Variants in MTA1 observed in about 807,000 individuals in gnomAD.
MTA1 encodes the protein metastasis associated 1.
MTA1 carries 15 observed loss-of-function variants against 97.0 expected under a neutral mutation model. The ratio of observed to expected loss-of-function variants is 0.15; its 90% CI spans 0.10 to 0.24. The LOEUF (loss-of-function observed/expected upper bound fraction) is 0.24, where lower values mean the gene tolerates loss of function less well. Ranked by LOEUF, MTA1 falls within the 10% of genes least tolerant of loss-of-function variation. The pLI is 1.00. For missense variants in MTA1, 709 were observed against 1,015.1 expected, an observed-to-expected ratio of 0.70 and a Z score of 4.10; for synonymous variants, 435 against 417.5, an observed-to-expected ratio of 1.04 and a Z score of -0.51.
chr14:105,428,960 A>G (rs2082091685), intron 1 of MTA1, among the ~76,000 whole-genome samples: 2 of 152,174 alleles, frequency 1.3e-5, no homozygotes, highest in Non-Finnish European at 2.9e-5. Flanking sequence ...CCTGGCCTCA[A>G]GTGATCCTCC....
chr14:105,434,921 A>G (rs1158229825), intron 1 of MTA1, among the ~76,000 whole-genome samples: 1 of 152,242 alleles, frequency 6.6e-6, no homozygotes, highest in Non-Finnish European at 1.5e-5. Flanking sequence ...TCATCTGCGT[A>G]TAGAAAGTTT....
chr14:105,462,088 G>A (rs957792030), intron 10 of MTA1, among the ~76,000 whole-genome samples: 7 of 152,220 alleles, frequency 4.6e-5, no homozygotes, highest in Admixed American at 1.3e-4. Context: ...AGGGGACTGC[G>A]GCTGCGGGGC....
intron 3 of MTA1, chr14:105,445,982 G>A: frequency 3.4e-6 from 1 of 295,728 alleles, no homozygotes; most frequent in South Asian, 2.7e-5. Context: ...TCAAACCCAA[G>A]TTTAGTAACC....
chr14:105,464,713 A>C lies in MTA1; in HGVS notation c.1384A>C (p.Lys462Gln). The C allele has an allele frequency of 6.2e-7, 1 of 1,607,232 alleles. No homozygotes were observed. The highest frequency in any genetic ancestry group is 8.5e-7 in the Non-Finnish European group (1 of 1,175,788). ...GLPARSSGSP[K>Q]FAMKTRQAFY... ...CCCAGCCCGGAGCAGCGGGAGCCCCAAGTTTGCCATGAAGACCAGGCAGGC... is the reference window on the plus strand; with the variant it reads ...CCCAGCCCGGAGCAGCGGGAGCCCCCAGTTTGCCATGAAGACCAGGCAGGC... Residue 462 changes from lysine to glutamine, a missense_variant, in exon 15 of 21, where the codon AAG becomes CAG. Transcript: ENST00000331320.
chr14:105,465,025 C>A, intron 15 of MTA1, 69 bp from the exon 16 acceptor site: 1 of 1,441,590 alleles, frequency 6.9e-7, no homozygotes, highest in South Asian at 1.4e-5. Flanking sequence ...GCTCCCAGGT[C>A]AAGGCGCAGG....
rs2081855661 is a variant in MTA1, at chr14:105,422,061, C to T, written c.28+1998C>T. ...AGCACAGCCACGCGTGGGATCCAGA[C>T]TGCTTCTGCGTGTGCAGTCCGTGGT... is the stretch of plus-strand genomic sequence containing the variant. On this transcript the variant is annotated intron_variant, in intron 1 of 20. Coordinates refer to ENST00000331320, the MANE Select transcript of MTA1 (RefSeq NM_004689.4). This position sits in a 1 kb window ranked among gnomAD's most constrained non-coding sequence, Gnocchi z 4.3. Among the ~76,000 whole-genome samples, 1 of 152,224 alleles carries T rather than the reference C, an allele frequency of 6.6e-6. No homozygotes were observed. The highest frequency in any genetic ancestry group is 2.1e-4 in the South Asian group (1 of 4,834).
At chr14:105,447,741 C>G (rs2082766029) in intron 3 of MTA1, among the ~76,000 whole-genome samples, 1 of 152,230 alleles carries the variant, frequency 6.6e-6, no homozygotes, top group African/African-American at 2.4e-5. Flanking sequence ...GGTGATGGGT[C>G]TGCCGCTGGT....
At chr14:105,435,871 G>A (rs781974540) in intron 1 of MTA1, among the ~76,000 whole-genome samples, 5 of 152,180 alleles carry the variant, frequency 3.3e-5, no homozygotes, top group African/African-American at 7.2e-5. Context: ...AGTAGGATCC[G>A]TAGTGATGTC....
At chr14:105,431,100 C>T (rs2082164890) in intron 1 of MTA1, among the ~76,000 whole-genome samples, 1 of 152,216 alleles carries the variant, frequency 6.6e-6, no homozygotes, top group South Asian at 2.1e-4. Flanking sequence ...CCAATTTTGA[C>T]ACTGCTTACC....
chr14:105,444,548 T>C (rs1555426611), intron 2 of MTA1, among the ~76,000 whole-genome samples: 2 of 151,956 alleles, frequency 1.3e-5, no homozygotes, highest in Non-Finnish European at 2.9e-5. Flanking sequence ...CCCAGCACTT[T>C]GTGGGGCTGA....
chr14:105,455,672 A>T (rs2083120149), intron 7 of MTA1, among the ~76,000 whole-genome samples: 1 of 152,014 alleles, frequency 6.6e-6, no homozygotes, highest in African/African-American at 2.4e-5. Flanking sequence ...GTTCTTCTTG[A>T]TTGTCCGTAA....
chr14:105,438,909 C>T (rs922009659), intron 2 of MTA1, among the ~76,000 whole-genome samples, 170 bp downstream of exon 2: 3 of 152,214 alleles, frequency 2.0e-5, no homozygotes, highest in Non-Finnish European at 4.4e-5. Flanking sequence ...CGTGGCTCCT[C>T]CTTGGAGATA....
intron 18 of MTA1, chr14:105,467,638 G>A (rs587644028): frequency 2.1e-3 from 790 of 374,420 alleles, no homozygotes; most frequent in Non-Finnish European, 3.3e-3. Context: ...ATCCCTTGGC[G>A]GTGTCTGTGT....
At chr14:105,441,582 C>A (rs2082518457) in intron 2 of MTA1, among the ~76,000 whole-genome samples, 1 of 152,214 alleles carries the variant, frequency 6.6e-6, no homozygotes. Context: ...ATCACAAGAT[C>A]AGGAGATCGA....
intron 1 of MTA1, among the ~76,000 whole-genome samples, chr14:105,436,719 AT>A (rs1567008694): frequency 6.6e-6 from 1 of 152,044 alleles, no homozygotes. Context: ...CTTAAGGGAC[AT>A]TTTTCCCCCA....
chr14:105,444,291 C>T (rs971882116), intron 2 of MTA1, among the ~76,000 whole-genome samples: 7 of 151,998 alleles, frequency 4.6e-5, no homozygotes, highest in South Asian at 2.1e-4. Context: ...AGGAGAATGG[C>T]GTGAACCCAG....
intron 1 of MTA1, among the ~76,000 whole-genome samples, chr14:105,426,076 G>A (rs1026915423): frequency 3.3e-5 from 5 of 152,096 alleles, no homozygotes; most frequent in Non-Finnish European, 1.5e-5. Context: ...TCGAGTGCCC[G>A]CCTGCCCCCA....
intron 2 of MTA1, among the ~76,000 whole-genome samples, 198 bp from the exon 3 acceptor site, chr14:105,445,220 T>TC (rs1555426781): frequency 1.4e-4 from 22 of 152,150 alleles, no homozygotes. Flanking sequence ...GCCCGCCTTC[T>TC]CCCCTGGGAT....
At chr14:105,423,329 C>T (rs1595246747) in intron 1 of MTA1, among the ~76,000 whole-genome samples, 1 of 150,868 alleles carries the variant, frequency 6.6e-6, no homozygotes, top group Non-Finnish European at 1.5e-5. Context: ...AAGCGATTTC[C>T]TGCCTCAGCC....
Sources: allele counts gnomAD v4.1 joint callset (sites outside exome capture counted in the v4.1 genomes callset), GRCh38; gene constraint gnomAD v4.1.1; non-coding constraint Gnocchi (gnomAD v3.1); transcripts MANE v1.5; gene names NCBI Gene and HGNC (gene_info 2026-07-23, HGNC 2026-07-21).